The following DBX2 variants were observed in gnomAD, a reference collection of about 807,000 sequenced individuals.
The protein encoded by DBX2 is homeobox protein DBX2.
A neutral mutation model predicts 17.7 loss-of-function variants in DBX2; 16 were observed. The observed-to-expected ratio is 0.90, with a 90% CI of 0.61 to 1.37. The LOEUF (loss-of-function observed/expected upper bound fraction) is 1.37. Ranked by LOEUF, DBX2 falls within the 40% of genes most tolerant of loss-of-function variation. The pLI is 0.00. For synonymous variants in DBX2, 255 were observed against 183.8 expected (o/e 1.39, Z -3.13); for missense variants, 538 against 433.8 (o/e 1.24, Z -2.13).
intron 1 of DBX2, among the ~76,000 whole-genome samples, chr12:45,040,389 T>C (rs537926576): frequency 6.6e-6 from 1 of 152,156 alleles, no homozygotes; most frequent in Non-Finnish European, 1.5e-5. Flanking sequence ...TATATGCCTA[T>C]ATATCCTATT....
intron 2 of DBX2, among the ~76,000 whole-genome samples, chr12:45,033,021 C>T (rs796565534): frequency 3.9e-5 from 6 of 152,250 alleles, no homozygotes; most frequent in African/African-American, 1.4e-4. Context: ...GAACTGTTAC[C>T]ACTGCCTTTT....
chr12:45,044,139 C>T lies in DBX2; in HGVS notation c.403+6386G>A, dbSNP rs1196845225. On this transcript the variant is annotated intron_variant, in intron 1 of 3. Transcript: ENST00000332700. ...CTTTATGCTTTGTGAGCTACACAGT[C>T]TCCATTATGACTATTCAATAGAAAA... Among the ~76,000 whole-genome samples the T allele has an allele frequency of 3.3e-5, 5 of 152,154 alleles. No homozygotes were observed. The East Asian group carries it at 9.6e-4, about 29-fold the overall frequency.
In DBX2 at chr12:45,030,870, G is replaced by T. The variant is rs900091726; in HGVS notation, c.499+5149C>A. Among the ~76,000 whole-genome samples, 3 of 152,288 alleles carry T rather than the reference G, an allele frequency of 2.0e-5. No individual in the cohort carries two copies. The East Asian group carries it at 5.8e-4, about 29-fold the overall frequency. On this transcript the variant is annotated intron_variant, in intron 2 of 3. Transcript: ENST00000332700. ...GCTACCAATAACACTTTCAGAAACA[G>T]AATTCTTTCATCCTTTTATATAGAT... is the stretch of plus-strand genomic sequence containing the variant.
intron 2 of DBX2, 117 bp from the exon 3 acceptor site, chr12:45,024,011 C>T (rs1472570762): frequency 5.0e-6 from 5 of 992,138 alleles, no homozygotes; most frequent in African/African-American, 1.7e-5. Flanking sequence ...CTCATTTCAA[C>T]TCTGCTCACT....
At chr12:45,028,153 T>C (rs1287788060) in intron 2 of DBX2, among the ~76,000 whole-genome samples, 1 of 152,074 alleles carries the variant, frequency 6.6e-6, no homozygotes, top group Admixed American at 6.5e-5. Context: ...GATCTAAGAA[T>C]CTCACACAAC....
Position 45,050,649 on chromosome 12 carries a change from G to T in DBX2, c.279C>A (p.Ser93Arg). ...GCGTTCCGTAGGGCGCCCCGGCGGG[G>T]CTAACTTGTTCGGCTGCGGGGCACA... Reference protein sequence around the residue: ...LKLCPAAEQVSPAGAPYGTRW... With the variant: ...LKLCPAAEQVRPAGAPYGTRW... The change falls in exon 1 of 4, where the codon AGC becomes AGA. Residue 93 changes from serine (S) to arginine (R), a missense_variant. Transcript: ENST00000332700. The T allele has an allele frequency of 7.1e-6, 11 of 1,549,656 alleles. No individual in the cohort carries two copies. Among genetic ancestry groups the T allele is most frequent in the Non-Finnish European group, 9.6e-6 (11 of 1,146,848 alleles).
chr12:45,045,877 C>T lies in DBX2; in HGVS notation c.403+4648G>A, dbSNP rs552543761. 1.2e-4 allele frequency among the ~76,000 whole-genome samples: 19 copies of T among 152,232 alleles called. No individual in the cohort carries two copies. In the East Asian group the frequency reaches 3.1e-3, roughly 25 times the overall value. ...AACACTCTAAATTCTACGTTTAATT[C>T]TATGTAAGTCCATACATAAATTTAC... On this transcript the variant is annotated intron_variant, in intron 1 of 3. Transcript: ENST00000332700.
At chr12:45,023,991 G>T in intron 2 of DBX2, 97 bp from the exon 3 acceptor site, 1 of 1,203,120 alleles carries the variant, frequency 8.3e-7, no homozygotes, top group Non-Finnish European at 1.1e-6. Context: ...TTGTACTATG[G>T]CCAAATGACC....
chr12:45,015,362 A>G lies in DBX2; in HGVS notation c.*924T>C, dbSNP rs996369151. On this transcript the variant is annotated 3_prime_UTR_variant, in exon 4 of 4. Coordinates refer to ENST00000332700, the MANE Select transcript of DBX2 (RefSeq NM_001004329.3). ...TTAGAAAAATTTTAAGAACTGTGAC[A>G]CCACGGCTTTCTTTAGTCTTAGCCA... The G allele has an allele frequency of 6.6e-6, 1 of 152,228 alleles. No homozygotes were observed. The highest frequency in any genetic ancestry group is 1.5e-5 in the Non-Finnish European group (1 of 68,030). The allele number at this position is 152,228 out of a possible 1,614,324, so 9.4% of individuals were successfully genotyped here. A position where few individuals can be genotyped will look rare whatever the true frequency, so the allele number is the denominator to read the frequency against.
intron 2 of DBX2, among the ~76,000 whole-genome samples, chr12:45,031,225 T>TGAGAGAGAGAGAGAGA (rs72031074): frequency 3.5e-5 from 3 of 85,656 alleles, no homozygotes; most frequent in South Asian, 5.9e-4. Context: ...TGTGTGTGTG[T>TGAGAGAGAGAGAGAGA]GAGAGAGAGA....
In DBX2 at chr12:45,050,743, G is replaced by C. The variant is rs1018655526; in HGVS notation, c.185C>G (p.Pro62Arg). Residue 62 changes from proline to arginine, a missense_variant, in exon 1 of 4, where the codon CCG (proline) becomes CGG (arginine). Physicochemically the swap from Pro to Arg is moderately radical, Grantham distance 103. Transcript: ENST00000332700. Reference protein sequence around the residue: ...PRLQPPAPHDPATALATAGAQ... With the variant: ...PRLQPPAPHDRATALATAGAQ... ...GCCCGCGGTGGCCAGGGCGGTCGCC[G>C]GGTCGTGGGGCGCGGGCGGCTGCAG... is the stretch of plus-strand genomic sequence containing the variant. The C allele has an allele frequency of 6.7e-7, 1 of 1,491,520 alleles. No homozygotes were observed. Among genetic ancestry groups the C allele is most frequent in the Non-Finnish European group, 8.9e-7 (1 of 1,122,968 alleles). The allele number at this position is 1,491,520 out of a possible 1,614,324, so 92.4% of individuals were successfully genotyped here.
At chr12:45,023,441 C>G (rs528072826) in intron 3 of DBX2, among the ~76,000 whole-genome samples, 1 of 152,272 alleles carries the variant, frequency 6.6e-6, no homozygotes, top group Non-Finnish European at 1.5e-5. Flanking sequence ...TGGCAAAAAC[C>G]TAGACCTCTC....
At chr12:45,032,078 C>G (rs1192799622) in intron 2 of DBX2, among the ~76,000 whole-genome samples, 1 of 144,914 alleles carries the variant, frequency 6.9e-6, no homozygotes, top group African/African-American at 2.5e-5. Context: ...AGGAATATTA[C>G]TCCAATACTT....
chr12:45,016,820 T>A (rs968204904), intron 3 of DBX2, among the ~76,000 whole-genome samples: 2 of 152,100 alleles, frequency 1.3e-5, no homozygotes, highest in Non-Finnish European at 2.9e-5. Context: ...TTTTTTGAGA[T>A]GGGGTCTCTC....
rs180931640 is a variant in DBX2, at chr12:45,046,401, C to A, written c.403+4124G>T. On this transcript the variant is annotated intron_variant, in intron 1 of 3. Transcript: ENST00000332700. ...GGACTAGCATAGGTCCCATCACTAT[C>A]CCATTCGGAATCCCCTGTTGTCATC... Among the ~76,000 whole-genome samples, 800 of 152,198 alleles carry A rather than the reference C, an allele frequency of 5.3e-3. 7 individuals are homozygous for A. The highest frequency in any genetic ancestry group is 0.018 in the African/African-American group (752 of 41,540).
intron 2 of DBX2, among the ~76,000 whole-genome samples, chr12:45,035,539 T>C (rs1315699012): frequency 1.3e-5 from 2 of 152,184 alleles, no homozygotes; most frequent in African/African-American, 4.8e-5. Context: ...TCTGGTTGGT[T>C]ACCTTCAAGA....
chr12:45,050,844 C>T lies in DBX2; in HGVS notation c.84G>A (p.Ala28=), dbSNP rs772196893. ...ASSALLNLPA[A]PGFGNLGKSF... Reference sequence around the variant, plus strand: ...TCTTGCCCAGGTTGCCAAAGCCGGGCGCAGCGGGGAGGTTGAGGAGCGCGG... The same window carrying T: ...TCTTGCCCAGGTTGCCAAAGCCGGGTGCAGCGGGGAGGTTGAGGAGCGCGG... Residue 28 remains alanine (A), a synonymous_variant, in exon 1 of 4, where the codon GCG becomes GCA. Coordinates refer to ENST00000332700, the MANE Select transcript of DBX2 (RefSeq NM_001004329.3). The T allele has an allele frequency of 2.6e-6, 4 of 1,538,218 alleles. No homozygotes were observed. Among genetic ancestry groups the T allele is most frequent in the Non-Finnish European group, 3.5e-6 (4 of 1,145,300 alleles).
rs1429588486 is a variant in DBX2 at position 45,050,566 on chromosome 12, G to T, written c.362C>A (p.Ala121Asp). ...GAAGGTACAGTCTCGGTCCCCCGGA[G>T]CCCGGCCCGGCAGCCTCGCACTGTC... is the stretch of plus-strand genomic sequence containing the variant. ...SADSARLPGR[A>D]PGDRDCTFQP... The change falls in exon 1 of 4, where the codon GCT becomes GAT. Residue 121 changes from alanine to aspartate, a missense_variant. Transcript: ENST00000332700. The T allele has an allele frequency of 6.4e-7, 1 of 1,552,452 alleles. No homozygotes were observed. The highest frequency in any genetic ancestry group is 8.7e-7 in the Non-Finnish European group (1 of 1,148,722).
intron 2 of DBX2, 130 bp downstream of exon 2, chr12:45,035,889 C>G (rs1322634540): frequency 3.6e-6 from 3 of 824,602 alleles, no homozygotes; most frequent in African/African-American, 1.7e-5. Context: ...TGAATAAGAT[C>G]GCTGTGACTT....
Sources: allele counts gnomAD v4.1 joint callset (sites outside exome capture counted in the v4.1 genomes callset), GRCh38; gene constraint gnomAD v4.1.1; transcripts MANE v1.5; gene names NCBI Gene and HGNC (gene_info 2026-07-23, HGNC 2026-07-21).